The following LPP variants were observed in gnomAD, a reference collection of about 807,000 sequenced individuals.
LPP encodes the protein LIM domain containing preferred translocation partner in lipoma.
Under a neutral mutation model 60.4 loss-of-function variants are expected in LPP, and 38 were observed. That is an observed-to-expected ratio of 0.63 (90% CI 0.49 to 0.83). The LOEUF (loss-of-function observed/expected upper bound fraction) is 0.83. LPP is among the 40% of genes least tolerant of loss of function. LPP has a pLI of 0.00. For synonymous variants in LPP, 328 were observed against 290.8 expected, an observed-to-expected ratio of 1.13 and a Z score of -1.30; for missense variants, 902 against 783.6, an observed-to-expected ratio of 1.15 and a Z score of -1.80.
chr3:188,353,923 A>G (rs1215567918), intron 3 of LPP, among the ~76,000 whole-genome samples: 2 of 152,170 alleles, frequency 1.3e-5, no homozygotes, highest in Non-Finnish European at 2.9e-5. Flanking sequence ...TCTGCCCTAA[A>G]TGAATTGACT....
intron 4 of LPP, among the ~76,000 whole-genome samples, chr3:188,427,049 G>A (rs921595304): frequency 6.6e-6 from 1 of 152,034 alleles, no homozygotes; most frequent in African/African-American, 2.4e-5. Flanking sequence ...TGGTGTCGAT[G>A]GTCTTTACAA....
At chr3:188,183,386 G>A (rs142235521) in intron 1 of LPP, among the ~76,000 whole-genome samples, 25 of 152,262 alleles carry the variant, frequency 1.6e-4, no homozygotes, top group African/African-American at 5.5e-4. Flanking sequence ...CTTTATCTTT[G>A]TAGAGTCATG....
At chr3:188,395,344 G>T (rs967703570) in intron 3 of LPP, among the ~76,000 whole-genome samples, 14 of 152,054 alleles carry the variant, frequency 9.2e-5, no homozygotes, top group African/African-American at 2.9e-4. Flanking sequence ...TCAGCCTCCC[G>T]AGTAGCTGGG....
At chr3:188,502,300 G>A (rs541781091) in intron 5 of LPP, among the ~76,000 whole-genome samples, 10 of 152,288 alleles carry the variant, frequency 6.6e-5, no homozygotes, top group Non-Finnish European at 1.0e-4. Context: ...TTTATTAGGT[G>A]TGTATACATT....
In LPP at chr3:188,423,715, CAT is replaced by C. The variant is rs200330622; in HGVS notation, c.193+17405_193+17406del. On this transcript the variant is annotated intron_variant, in intron 4 of 11. Coordinates refer to ENST00000617246, the MANE Select transcript of LPP (RefSeq NM_001375462.1). ...TGACCAGTGATGATGAGGTTTTTTT[CAT>C]ATGTTTGTTGGCCACATAAATCTCT... 8.6e-3 allele frequency among the ~76,000 whole-genome samples: 1,299 copies of C among 151,840 alleles called. 14 individuals carry two copies. Among genetic ancestry groups the C allele is most frequent in the African/African-American group, 0.03 (1,254 of 41,518 alleles).
intron 1 of LPP, among the ~76,000 whole-genome samples, chr3:188,187,572 C>G (rs1726970476): frequency 6.6e-6 from 1 of 151,860 alleles, no homozygotes. Flanking sequence ...TTCTGTCGTT[C>G]TCTTGTCTGC....
chr3:188,380,448 T>A lies in LPP; in HGVS notation c.-9-25664T>A, dbSNP rs1776566540. ...ATTTTAGATATTGAGTCTATCCTTG[T>A]TTTGATTTCCTTTGGACTCATGGCC... On this transcript the variant is annotated intron_variant, in intron 3 of 11. Transcript: ENST00000617246. 2.0e-5 allele frequency among the ~76,000 whole-genome samples: 3 copies of A among 152,256 alleles called. No individual in the cohort carries two copies. The South Asian group carries it at 6.2e-4, about 32-fold the overall frequency.
chr3:188,372,636 G>A (rs112745082), intron 3 of LPP, among the ~76,000 whole-genome samples: 1,694 of 150,834 alleles, frequency 0.011, 28 homozygotes, highest in African/African-American at 0.037. Flanking sequence ...TCAAGTTTCT[G>A]GGATCTTCTT....
At chr3:188,210,282 A>G (rs961618870) in intron 1 of LPP, among the ~76,000 whole-genome samples, 1 of 152,170 alleles carries the variant, frequency 6.6e-6, no homozygotes, top group Non-Finnish European at 1.5e-5. Flanking sequence ...TTCCCCATGG[A>G]TACTGAGGGA....
intron 10 of LPP, among the ~76,000 whole-genome samples, chr3:188,868,731 G>C (rs1404873617): frequency 6.6e-6 from 1 of 152,226 alleles, no homozygotes; most frequent in Non-Finnish European, 1.5e-5. Context: ...CCTCCAGACA[G>C]TTTTTGGGGC....
Position 188,610,922 on chromosome 3 carries a change from G to A in LPP, c.1113+1078G>A, listed in dbSNP as rs1843574879. ...GCCCTCAATTAGCTAGAAGTTCAAT[G>A]GTAGTTTTGGGGGATGGATTGGGTA... On this transcript the variant is annotated intron_variant, in intron 7 of 11. Coordinates refer to ENST00000617246, the MANE Select transcript of LPP (RefSeq NM_001375462.1). The surrounding 1 kb of genome is among the most constrained non-coding windows in gnomAD (Gnocchi z 4.4). Among the ~76,000 whole-genome samples, 1 of 152,164 alleles carries A rather than the reference G, an allele frequency of 6.6e-6. No homozygotes were observed. Among genetic ancestry groups the A allele is most frequent in the Admixed American group, 6.5e-5 (1 of 15,284 alleles).
rs574219113 is a variant in LPP at position 188,507,483 on chromosome 3, T to G, written c.307-17182T>G. ...AATAAATATGGGAATTTTTTTTTTT[T>G]GTAGTGAAAATAGTTACTCAGTGAA... is the stretch of plus-strand genomic sequence containing the variant. On this transcript the variant is annotated intron_variant, in intron 5 of 11. Transcript: ENST00000617246. Among the ~76,000 whole-genome samples, 84 of 152,248 alleles carry G rather than the reference T, an allele frequency of 5.5e-4. 1 individual carries two copies. The highest frequency in any genetic ancestry group is 3.4e-3 in the Middle Eastern group (1 of 294).
At chr3:188,459,899 C>T (rs915340164) in intron 4 of LPP, among the ~76,000 whole-genome samples, 1 of 152,140 alleles carries the variant, frequency 6.6e-6, no homozygotes, top group East Asian at 1.9e-4. Context: ...CCATGTGTGG[C>T]CTTAGTCAGT....
At chr3:188,340,663 C>T (rs2150649807) in intron 2 of LPP, among the ~76,000 whole-genome samples, 1 of 152,184 alleles carries the variant, frequency 6.6e-6, no homozygotes, top group African/African-American at 2.4e-5. Flanking sequence ...GATTCATCAG[C>T]AGGTCTTTCA....
intron 5 of LPP, among the ~76,000 whole-genome samples, chr3:188,511,110 C>A (rs1815388316): frequency 9.3e-6 from 1 of 107,700 alleles, no homozygotes; most frequent in South Asian, 4.0e-4. Flanking sequence ...CTCCCTCCTT[C>A]CTCCTTCCTT....
intron 2 of LPP, among the ~76,000 whole-genome samples, chr3:188,263,570 A>G (rs1413160999): frequency 2.0e-5 from 3 of 152,168 alleles, no homozygotes; most frequent in East Asian, 3.9e-4. Context: ...ACCAAGCAAC[A>G]CTTTCCCCGG....
intron 2 of LPP, among the ~76,000 whole-genome samples, chr3:188,303,118 G>C (rs1003417348): frequency 2.0e-5 from 3 of 152,180 alleles, no homozygotes; most frequent in African/African-American, 7.2e-5. Context: ...TCTGTAAAGG[G>C]ACAGATGGTA....
At chr3:188,618,114 A>T (rs559577648) in intron 7 of LPP, among the ~76,000 whole-genome samples, 7 of 152,292 alleles carry the variant, frequency 4.6e-5, no homozygotes, top group Admixed American at 2.6e-4. Flanking sequence ...TATTTTTACT[A>T]CTATAGTATC....
At chr3:188,564,351 G>A (rs1381724010) in intron 6 of LPP, among the ~76,000 whole-genome samples, 2 of 151,994 alleles carry the variant, frequency 1.3e-5, no homozygotes, top group African/African-American at 4.8e-5. Context: ...ATTACAGATC[G>A]CAGAGGAGCA....
Sources: gnomAD v4.1 joint callset for allele counts (sites outside exome capture counted in the v4.1 genomes callset) on GRCh38, gnomAD v4.1.1 for gene constraint, Gnocchi (gnomAD v3.1) non-coding constraint, MANE v1.5 for transcripts, NCBI Gene and HGNC (gene_info 2026-07-23, HGNC 2026-07-21) for gene names.